Variants in STIM1 observed in about 807,000 individuals in gnomAD.
STIM1 encodes stromal interaction molecule 1.
In STIM1, 25 loss-of-function variants were observed where a neutral mutation model predicts 74.7. The ratio of observed to expected loss-of-function variants is 0.33; its 90% CI spans 0.24 to 0.47. The LOEUF is 0.47. Among genes scored for constraint, STIM1 ranks in the 20% least tolerant of loss-of-function variants. The pLI, the probability that STIM1 is intolerant of heterozygous loss-of-function variation, is 1.00. For synonymous variants in STIM1, 328 were observed against 348.8 expected, an observed-to-expected ratio of 0.94 and a Z score of 0.66; for missense variants, 728 against 920.8, an observed-to-expected ratio of 0.79 and a Z score of 2.71.
At chr11:3,992,089 G>GTTTTTTT (rs75377604) in intron 2 of STIM1, among the ~76,000 whole-genome samples, 1,351 of 95,190 alleles carry the variant, frequency 0.014, no homozygotes, top group African/African-American at 0.02. Flanking sequence ...CTGTTTTTTT[G>GTTTTTTT]TTTTTTTTTT....
rs199644267 is a variant in STIM1 at position 4,091,379 on chromosome 11, G to A, written c.1732G>A (p.Ala578Thr). The A allele has an allele frequency of 1.2e-6, 2 of 1,614,224 alleles. No individual in the cohort carries two copies. Among genetic ancestry groups the A allele is most frequent in the Non-Finnish European group, 1.7e-6 (2 of 1,180,036 alleles). ...PPQMSRAADE[A>T]LNAMTSNGSH... ...TCAGATGAGCCGTGCTGCAGACGAG[G>A]CTCTCAATGCCATGACTTCCAATGG... Residue 578 changes from alanine (A) to threonine (T), a missense_variant, in exon 13 of 13, where the codon GCT becomes ACT. By Grantham distance (58) the Ala-to-Thr change is moderately conservative. Around this residue, in one of 5 missense-constraint regions of STIM1, gnomAD observed 352 missense variants for 370.1 expected, o/e 0.95. Coordinates refer to ENST00000526596, the MANE Select transcript of STIM1 (RefSeq NM_001382567.1).
At chr11:3,980,377 T>G (rs1378637743) in intron 2 of STIM1, among the ~76,000 whole-genome samples, 2 of 152,186 alleles carry the variant, frequency 1.3e-5, no homozygotes, top group Non-Finnish European at 2.9e-5. Context: ...ATACTGTATT[T>G]CCTTACTCTA....
At chr11:4,018,182 G>A (rs2135990919) in intron 2 of STIM1, among the ~76,000 whole-genome samples, 1 of 151,982 alleles carries the variant, frequency 6.6e-6, no homozygotes, top group African/African-American at 2.4e-5. Context: ...GGGCGCGGTG[G>A]CTCACGCCTG....
intron 2 of STIM1, among the ~76,000 whole-genome samples, chr11:4,009,992 T>C (rs2093820303): frequency 6.6e-6 from 1 of 151,896 alleles, no homozygotes; most frequent in South Asian, 2.1e-4. Context: ...TTAAAATTTT[T>C]TGTGGAGATG....
In STIM1 at chr11:4,082,330, G is replaced by C. The variant is rs2094469491; in HGVS notation, c.1116G>C (p.Gln372His). ...YNIKKQNAEKQLLVAKEGAEK... is the reference protein window; with the variant it reads ...YNIKKQNAEKHLLVAKEGAEK... ...TCAAGAAGCAAAATGCTGAGAAGCA[G>C]CTGCTGGTGGCCAAGGAGGGGGTGA... is the stretch of plus-strand genomic sequence containing the variant. Residue 372 changes from glutamine (Q) to histidine (H), a missense_variant, in exon 8 of 13, where the codon CAG becomes CAC. By Grantham distance (24) the Gln-to-His change is conservative. This residue lies in a region of STIM1 where 131 missense variants were observed against 235.9 expected (regional missense o/e 0.56). Coordinates refer to ENST00000526596, the MANE Select transcript of STIM1 (RefSeq NM_001382567.1). 6.2e-7 allele frequency: 1 copy of C among 1,612,890 alleles called. No individual in the cohort carries two copies. The highest frequency in any genetic ancestry group is 2.2e-5 in the East Asian group (1 of 44,884).
chr11:4,015,700 T>C (rs972716346), intron 2 of STIM1, among the ~76,000 whole-genome samples: 12 of 152,244 alleles, frequency 7.9e-5, no homozygotes, highest in Admixed American at 4.6e-4. Context: ...GTAGATTTGG[T>C]CTTTTCACAT....
At chr11:4,024,167 A>C (rs964664251) in intron 3 of STIM1, among the ~76,000 whole-genome samples, 180 bp downstream of exon 3, 2 of 152,164 alleles carry the variant, frequency 1.3e-5, no homozygotes, top group East Asian at 3.9e-4. Flanking sequence ...GCATGGGGGA[A>C]GGTTCTCCAG....
At chr11:3,951,709 T>C (rs1441349704) in intron 1 of STIM1, among the ~76,000 whole-genome samples, 2 of 152,100 alleles carry the variant, frequency 1.3e-5, no homozygotes, top group Non-Finnish European at 2.9e-5. Context: ...GCCCCCTAGG[T>C]GTTGTCCTTT....
In STIM1 at chr11:3,895,707, TTTC is replaced by T. The variant is rs1449363066; in HGVS notation, c.139+39301_139+39303del. The stretch of plus-strand genomic sequence containing the variant: ...CCTTCTTTCTTTCTTTCTTTCTTTC[TTTC>T]TTTCTTTCTTTCTTTCTTTCTTTCT... On this transcript the variant is annotated intron_variant, in intron 1 of 12. Coordinates refer to ENST00000526596, the MANE Select transcript of STIM1 (RefSeq NM_001382567.1). 6.6e-3 allele frequency among the ~76,000 whole-genome samples: 241 copies of T among 36,716 alleles called. 4 individuals are homozygous for T. The highest frequency in any genetic ancestry group is 9.5e-3 in the East Asian group (12 of 1,258). The allele number at this position is 36,716 out of a possible 152,430, so 24.1% of individuals were successfully genotyped here. A position where few individuals can be genotyped will look rare whatever the true frequency, so the allele number is the denominator to read the frequency against.
At chr11:3,982,199 G>C (rs1169737722) in intron 2 of STIM1, among the ~76,000 whole-genome samples, 2 of 151,434 alleles carry the variant, frequency 1.3e-5, no homozygotes, top group Non-Finnish European at 2.9e-5. Context: ...GTTAATTTTT[G>C]TATTTTTTGT....
chr11:4,009,022 T>G (rs2093809152), intron 2 of STIM1, among the ~76,000 whole-genome samples: 1 of 152,224 alleles, frequency 6.6e-6, no homozygotes, highest in Non-Finnish European at 1.5e-5. Context: ...CTGGGTGCGG[T>G]GGCTCACGCC....
At chr11:3,877,229 T>C (rs1378930366) in intron 1 of STIM1, among the ~76,000 whole-genome samples, 1 of 149,240 alleles carries the variant, frequency 6.7e-6, no homozygotes, top group East Asian at 1.9e-4. Context: ...TGTTAGTGTC[T>C]TCCTACAGAA....
chr11:4,024,734 A>G (rs971004396), intron 3 of STIM1, among the ~76,000 whole-genome samples: 1 of 152,300 alleles, frequency 6.6e-6, no homozygotes, highest in Admixed American at 6.5e-5. Context: ...CTACTGACCC[A>G]TGTTGAGCTT....
intron 1 of STIM1, among the ~76,000 whole-genome samples, chr11:3,885,520 G>A (rs2091673675): frequency 6.6e-6 from 1 of 152,066 alleles, no homozygotes; most frequent in Admixed American, 6.5e-5. Flanking sequence ...GAGAACTATT[G>A]GTTTAACACA....
chr11:3,952,916 A>T (rs928789258), intron 1 of STIM1, among the ~76,000 whole-genome samples: 1 of 152,192 alleles, frequency 6.6e-6, no homozygotes, highest in Non-Finnish European at 1.5e-5. Context: ...TAACAGTTGG[A>T]CAGCTCCTGC....
intron 1 of STIM1, among the ~76,000 whole-genome samples, chr11:3,882,375 A>C (rs1320200047): frequency 6.6e-6 from 1 of 152,126 alleles, no homozygotes; most frequent in East Asian, 1.9e-4. Flanking sequence ...CTGGGATTAC[A>C]GGTGTGAGCC....
chr11:3,881,872 A>G (rs1436762780), intron 1 of STIM1, among the ~76,000 whole-genome samples: 1 of 149,952 alleles, frequency 6.7e-6, no homozygotes, highest in African/African-American at 2.5e-5. Flanking sequence ...GGGGTTCGCC[A>G]TGTTGGCCAA....
At chr11:3,946,276 C>A (rs922124351) in intron 1 of STIM1, among the ~76,000 whole-genome samples, 18 of 152,146 alleles carry the variant, frequency 1.2e-4, no homozygotes, top group Non-Finnish European at 2.5e-4. Context: ...AAATGGGAAT[C>A]AAAATATTTG....
chr11:4,035,011 G>A (rs1484789204), intron 3 of STIM1, among the ~76,000 whole-genome samples: 4 of 151,946 alleles, frequency 2.6e-5, no homozygotes, highest in African/African-American at 7.3e-5. Context: ...TTAGATCTTT[G>A]TTAATTTTAC....
Sources: allele counts gnomAD v4.1 joint callset (sites outside exome capture counted in the v4.1 genomes callset), GRCh38; gene constraint gnomAD v4.1.1; regional missense constraint gnomAD v4.1.1; transcripts MANE v1.5; gene names NCBI Gene and HGNC (gene_info 2026-07-23, HGNC 2026-07-21).